The following CFAP299 variants were observed in gnomAD, a reference collection of about 807,000 sequenced individuals.
CFAP299 encodes cilia- and flagella-associated protein 299.
Under a neutral mutation model 27.0 loss-of-function variants are expected in CFAP299, and 21 were observed. The observed-to-expected ratio is 0.78, with a 90% CI of 0.55 to 1.12. The LOEUF (loss-of-function observed/expected upper bound fraction) is 1.12. Among genes scored for constraint, CFAP299 ranks in the 50% most tolerant of loss-of-function variants. The pLI, the probability that CFAP299 is intolerant of heterozygous loss-of-function variation, is 0.00. For synonymous variants in CFAP299, 104 were observed against 98.1 expected (o/e 1.06, Z -0.36); for missense variants, 310 against 276.6 (o/e 1.12, Z -0.86).
intron 2 of CFAP299, among the ~76,000 whole-genome samples, chr4:80,382,487 T>A (rs779098985): frequency 6.6e-6 from 1 of 151,828 alleles, no homozygotes. Context: ...TTAAACAAAT[T>A]TACAAGAACA....
intron 3 of CFAP299, among the ~76,000 whole-genome samples, chr4:80,689,847 G>A (rs1215017739): frequency 2.6e-5 from 4 of 152,064 alleles, no homozygotes; most frequent in African/African-American, 9.7e-5. Context: ...GATGGAGGAA[G>A]GTCGACCAAG....
intron 2 of CFAP299, among the ~76,000 whole-genome samples, chr4:80,562,111 C>A (rs962014487): frequency 1.3e-5 from 2 of 151,850 alleles, no homozygotes; most frequent in Non-Finnish European, 2.9e-5. Context: ...ATTTGCAAGC[C>A]TCATAGTAAC....
intron 3 of CFAP299, among the ~76,000 whole-genome samples, chr4:80,591,104 A>ATTTTTTTTTTTTTTT (rs1339201630): frequency 1.0e-4 from 12 of 116,536 alleles, no homozygotes; most frequent in South Asian, 3.1e-4. Context: ...TACTTTAGGA[A>ATTTTTTTTTTTTTTT]ATTTTTTTTT....
At chr4:80,780,635 T>G (rs912368578) in intron 3 of CFAP299, among the ~76,000 whole-genome samples, 1 of 152,076 alleles carries the variant, frequency 6.6e-6, no homozygotes, top group Non-Finnish European at 1.5e-5. Flanking sequence ...TATCTACTGC[T>G]TTAAATGGGA....
chr4:80,493,256 A>C (rs1731234165), intron 2 of CFAP299, among the ~76,000 whole-genome samples: 1 of 152,240 alleles, frequency 6.6e-6, no homozygotes, highest in Non-Finnish European at 1.5e-5. Flanking sequence ...ATTATCAGCA[A>C]GGCAAGGTAC....
At chr4:80,602,953 T>C (rs1737437115) in intron 3 of CFAP299, among the ~76,000 whole-genome samples, 1 of 152,116 alleles carries the variant, frequency 6.6e-6, no homozygotes, top group Non-Finnish European at 1.5e-5. Flanking sequence ...CTTCTCAGTT[T>C]TCTCTTGATG....
At chr4:80,540,563 A>G (rs1275413348) in intron 2 of CFAP299, among the ~76,000 whole-genome samples, 1 of 152,200 alleles carries the variant, frequency 6.6e-6, no homozygotes, top group South Asian at 2.1e-4. Context: ...GATTCTTTAT[A>G]ATGAGCCCCT....
chr4:80,757,225 C>A (rs1725286436), intron 3 of CFAP299, among the ~76,000 whole-genome samples: 1 of 151,588 alleles, frequency 6.6e-6, no homozygotes, highest in African/African-American at 2.4e-5. Flanking sequence ...AATTAGATTT[C>A]TTTTTTTAAA....
intron 2 of CFAP299, among the ~76,000 whole-genome samples, chr4:80,575,377 A>T (rs944121756): frequency 8.0e-5 from 12 of 149,598 alleles, no homozygotes; most frequent in East Asian, 5.9e-4. Flanking sequence ...CCAGGCTGGG[A>T]TGCAGTGGCA....
intron 4 of CFAP299, among the ~76,000 whole-genome samples, chr4:80,878,663 A>G (rs1170461828): frequency 2.0e-5 from 3 of 152,072 alleles, no homozygotes; most frequent in Non-Finnish European, 2.9e-5. Context: ...AAAGTATATT[A>G]GTAGCAAATT....
chr4:80,321,962 G>C, the CFAP299 span, among the ~76,000 whole-genome samples: 1 of 152,148 alleles, frequency 6.6e-6, no homozygotes, highest in Non-Finnish European at 1.5e-5. Context: ...CTGAAGGATT[G>C]TACCTGCAAA....
intron 2 of CFAP299, among the ~76,000 whole-genome samples, chr4:80,413,473 A>G (rs907350126): frequency 1.3e-5 from 2 of 152,226 alleles, no homozygotes; most frequent in Admixed American, 6.5e-5. Flanking sequence ...ATGAAGCCCT[A>G]TTGGTACCTA....
intron 2 of CFAP299, among the ~76,000 whole-genome samples, chr4:80,470,518 C>T (rs1225201546): frequency 6.6e-6 from 1 of 152,038 alleles, no homozygotes; most frequent in East Asian, 1.9e-4. Context: ...GCAAATGTAA[C>T]TATTTTATGT....
chr4:80,692,456 A>G (rs567944693), intron 3 of CFAP299, among the ~76,000 whole-genome samples: 2 of 152,358 alleles, frequency 1.3e-5, no homozygotes, highest in East Asian at 3.9e-4. Context: ...AGGATTCCCT[A>G]TTTAATAAAT....
intron 2 of CFAP299, among the ~76,000 whole-genome samples, chr4:80,538,975 T>G (rs1017985055): frequency 2.0e-5 from 3 of 152,226 alleles, no homozygotes; most frequent in Non-Finnish European, 4.4e-5. Flanking sequence ...TAGTTGGCTT[T>G]CCAGCTCCAA....
intron 3 of CFAP299, among the ~76,000 whole-genome samples, chr4:80,613,221 G>A (rs1738090267): frequency 6.6e-6 from 1 of 152,030 alleles, no homozygotes; most frequent in Admixed American, 6.6e-5. Context: ...ATATTTTCTA[G>A]TATATTTGGT....
chr4:80,447,128 TTG>T (rs1265846096), intron 2 of CFAP299, among the ~76,000 whole-genome samples: 6 of 116,398 alleles, frequency 5.2e-5, no homozygotes, highest in African/African-American at 7.1e-5. Flanking sequence ...TGTTTTTTTT[TTG>T]TTTTTTTTTT....
chr4:80,629,748 T>A (rs1739109766), intron 3 of CFAP299, among the ~76,000 whole-genome samples: 1 of 151,462 alleles, frequency 6.6e-6, no homozygotes, highest in African/African-American at 2.4e-5. Flanking sequence ...GGTATGATGG[T>A]GTGCACCTGT....
upstream of CFAP299, among the ~76,000 whole-genome samples, chr4:80,332,281 AG>A (rs1221692615): frequency 6.6e-6 from 1 of 152,208 alleles, no homozygotes; most frequent in Non-Finnish European, 1.5e-5. Context: ...TCTTTCCAAA[AG>A]TTTTGCTGTA....
Sources: allele counts gnomAD v4.1 joint callset (sites outside exome capture counted in the v4.1 genomes callset), GRCh38; gene constraint gnomAD v4.1.1; transcripts MANE v1.5; gene names NCBI Gene and HGNC (gene_info 2026-07-23, HGNC 2026-07-21).